ATP13A2: variants seen among roughly 807,000 people sequenced by gnomAD.
ATP13A2 encodes ATPase cation transporting 13A2.
A neutral mutation model predicts 138.3 loss-of-function variants in ATP13A2; 83 were observed. The observed-to-expected ratio is 0.60, with a 90% confidence interval of 0.50 to 0.72. ATP13A2 has a LOEUF of 0.72. ATP13A2 is among the 30% of genes least tolerant of loss of function. The probability of loss-of-function intolerance (pLI) is 0.00; values close to 1 mark genes in which losing one functional copy is unlikely to be tolerated. For missense variants in ATP13A2, 1,402 were observed against 1,606.4 expected (o/e 0.87, Z 2.17); for synonymous variants, 663 against 699.0 (o/e 0.95, Z 0.81).
At chr1:16,988,072 G>A (rs1010956337) in intron 25 of ATP13A2, 66 bp downstream of exon 25, 4 of 1,431,870 alleles carry the variant, frequency 2.8e-6, no homozygotes, top group Middle Eastern at 1.7e-4. Flanking sequence ...CAGCTCCAAG[G>A]CACAGGGCTG....
chr1:16,989,874 G>A lies in ATP13A2; in HGVS notation c.2529+13C>T, dbSNP rs1160425190. ...GAGGCGCAGGGCGGCCAGGGAGCTG[G>A]GGGCGGCCCTACCTTGGGCAGCAGC... On this transcript the variant is annotated intron_variant, in intron 22 of 28. Coordinates refer to ENST00000326735, the MANE Select transcript of ATP13A2 (RefSeq NM_022089.4). 1 of 1,607,530 alleles carries A rather than the reference G, an allele frequency of 6.2e-7. No individual in the cohort carries two copies. The highest frequency in any genetic ancestry group is 1.7e-5 in the Admixed American group (1 of 58,880).
At chr1:17,001,260 A>G (rs1404045658) in intron 8 of ATP13A2, among the ~76,000 whole-genome samples, 1 of 139,774 alleles carries the variant, frequency 7.2e-6, no homozygotes, top group Non-Finnish European at 1.5e-5. Flanking sequence ...TCTACTAAAA[A>G]TACAAAAAAA....
Position 17,004,669 on chromosome 1 carries a change from G to A in ATP13A2, c.477+23C>T, listed in dbSNP as rs1370705630. The A allele has an allele frequency of 5.6e-6, 9 of 1,613,848 alleles. No individual in the cohort carries two copies. Among genetic ancestry groups the A allele is most frequent in the Non-Finnish European group, 6.8e-6 (8 of 1,180,028 alleles). On this transcript the variant is annotated intron_variant, in intron 5 of 28. Transcript: ENST00000326735. The surrounding 1 kb of genome is among the most constrained non-coding windows in gnomAD (Gnocchi z 4.1). ...TCATGAAACCGAGGCCGAGAGAGGGGCAAGGACTTTTTCAGAACCCACCTG... is the reference window on the plus strand; with the variant it reads ...TCATGAAACCGAGGCCGAGAGAGGGACAAGGACTTTTTCAGAACCCACCTG...
rs767921922 is a variant in ATP13A2, at chr1:16,988,402, C to T, written c.2682G>A (p.Ser894=). Residue 894 remains serine, a synonymous_variant, in exon 24 of 29, where the codon TCG becomes TCA. Coordinates refer to ENST00000326735, the MANE Select transcript of ATP13A2 (RefSeq NM_022089.4). ...CCACTGAGGCTTCTGCCTGGGACAG[C>T]GAGATGCCGACATCAGCCGCCTTCA... The part of the protein sequence containing the change: ...GALKAADVGI[S]LSQAEASVVS... 5.6e-5 allele frequency: 90 copies of T among 1,614,036 alleles called. 1 individual carries two copies. The South Asian group carries it at 8.5e-4, about 15-fold the overall frequency.
At chr1:17,000,196 C>CCCA in intron 10 of ATP13A2, 50 bp downstream of exon 10, 1 of 770,516 alleles carries the variant, frequency 1.3e-6, no homozygotes, top group Non-Finnish European at 2.1e-6. Context: ...CCAGCCATGC[C>CCCA]CCCCCACCCT....
At position 16,991,751 on chromosome 1, in the gene ATP13A2, C is replaced by G. The variant is rs140455242; in HGVS notation, c.2234G>C (p.Arg745Pro). The G allele has an allele frequency of 6.2e-6, 10 of 1,614,176 alleles. No homozygotes were observed. The highest frequency in any genetic ancestry group is 7.6e-6 in the Non-Finnish European group (9 of 1,180,044). ...VIQALRRTRIRAVMVTGDNLQ... is the reference protein window; with the variant it reads ...VIQALRRTRIPAVMVTGDNLQ... ...CATTGTACCTGTCACCATGACGGCG[C>G]GGATGCGGGTCCTTCGCAGAGCCTG... The change falls in exon 20 of 29, where the codon CGC (arginine) becomes CCC (proline). Residue 745 changes from arginine to proline, a missense_variant. Coordinates refer to ENST00000326735, the MANE Select transcript of ATP13A2 (RefSeq NM_022089.4).
intron 13 of ATP13A2, 21 bp from the exon 14 acceptor site, chr1:16,996,321 T>C: frequency 1.2e-6 from 2 of 1,613,884 alleles, no homozygotes; most frequent in South Asian, 1.1e-5. Flanking sequence ...AGCGAAGGAC[T>C]GAGTGGGATT....
intron 15 of ATP13A2, among the ~76,000 whole-genome samples, chr1:16,994,596 G>GCGTTC (rs1363794448): frequency 2.0e-5 from 3 of 152,026 alleles, no homozygotes; most frequent in Non-Finnish European, 4.4e-5. Context: ...GACTCTAACT[G>GCGTTC]CCCAAGTACG....
At chr1:16,996,892 T>C in intron 12 of ATP13A2, 128 bp downstream of exon 12, 1 of 1,231,300 alleles carries the variant, frequency 8.1e-7, no homozygotes, top group South Asian at 1.3e-5. Flanking sequence ...TGGCCCGAGG[T>C]CCCACAGCAG....
chr1:17,000,194 G>GCAC, intron 10 of ATP13A2, 52 bp from the exon 11 acceptor site: 4 of 1,570,248 alleles, frequency 2.5e-6, no homozygotes, highest in South Asian at 1.1e-5. Flanking sequence ...CCCCAGCCAT[G>GCAC]CCCCCCCACC....
intron 11 of ATP13A2, among the ~76,000 whole-genome samples, chr1:16,998,425 C>T (rs371578182): frequency 7.2e-5 from 11 of 152,116 alleles, no homozygotes; most frequent in East Asian, 1.9e-4. Context: ...AGGCTGTTTT[C>T]GAACTCCTCA....
rs1353785345 is a variant in ATP13A2, at chr1:16,989,892, G to A, written c.2524C>T (p.Pro842Ser). The change falls in exon 22 of 29, where the codon CCC (proline) becomes TCC (serine). Residue 842 changes from proline to serine, a missense_variant. Pro to Ser is a moderately conservative substitution (Grantham distance 74). Transcript: ENST00000326735. ...GGAGCTGGGGGCGGCCCTACCTTGG[G>A]CAGCAGCTTGGGGAAGTGCTTCACA... ...IIVKHFPKLLPKVLVQGTVFA... is the reference protein window; with the variant it reads ...IIVKHFPKLLSKVLVQGTVFA... 1.2e-6 allele frequency: 2 copies of A among 1,604,606 alleles called. No homozygotes were observed. Among genetic ancestry groups the A allele is most frequent in the East Asian group, 4.5e-5 (2 of 44,558 alleles).
chr1:17,003,872 C>A (rs191404074), intron 6 of ATP13A2, among the ~76,000 whole-genome samples: 108 of 152,188 alleles, frequency 7.1e-4, no homozygotes, highest in African/African-American at 2.2e-3. Context: ...GCATCTTGGC[C>A]AGGCTGATCT....
chr1:17,005,196 C>CCA (rs2077506352), intron 3 of ATP13A2, 124 bp from the exon 4 acceptor site: 1 of 1,484,522 alleles, frequency 6.7e-7, no homozygotes, highest in Admixed American at 1.8e-5. Context: ...CCTCCAGAAA[C>CCA]CACCCGACCC....
At chr1:17,008,498 G>T (rs570851149) in intron 1 of ATP13A2, among the ~76,000 whole-genome samples, 67 of 152,290 alleles carry the variant, frequency 4.4e-4, no homozygotes, top group Non-Finnish European at 1.8e-4. Flanking sequence ...TGGGGGGGTT[G>T]CGTGGACAGG....
Position 16,996,474 on chromosome 1 carries a change from G to T in ATP13A2, c.1218C>A (p.Gly406=), listed in dbSNP as rs796629683. 7 of 1,613,874 alleles carry T rather than the reference G, an allele frequency of 4.3e-6. No homozygotes were observed. The highest frequency in any genetic ancestry group is 3.3e-5 in the South Asian group (3 of 91,086). The change falls in exon 13 of 29, where the codon GGC becomes GGA. Residue 406 remains glycine, a synonymous_variant. Transcript: ENST00000326735. ...GGGGGTGCAAGATGGAGCTCACCAG[G>T]CCCCCTTTTGCCGTGCAGAACCCTG... ...TRTGFCTAKG[G]LVSSILHPRP... is the part of the protein sequence containing the mutation.
chr1:17,005,590 G>A, intron 2 of ATP13A2, 34 bp from the exon 3 acceptor site: 1 of 1,614,106 alleles, frequency 6.2e-7, no homozygotes, highest in Non-Finnish European at 8.5e-7. Context: ...CCAGGTCGGG[G>A]TGGGAACGGG....
Position 16,990,178 on chromosome 1 carries a change from G to A in ATP13A2, c.2361C>T (p.Ala787=). The A allele has an allele frequency of 1.2e-6, 2 of 1,614,028 alleles. No individual in the cohort carries two copies. Among genetic ancestry groups the A allele is most frequent in the East Asian group, 2.2e-5 (1 of 44,876 alleles). The change falls in exon 21 of 29, where the codon GCC becomes GCT. Residue 787 remains alanine, a synonymous_variant. Coordinates refer to ENST00000326735, the MANE Select transcript of ATP13A2 (RefSeq NM_022089.4). ...HATHPERGQP[A]SLEFLPMESP... ...ACTCCATCGGCAGGAACTCGAGAGA[G>A]GCAGGCTGACCCCGCTCAGGGTGGG...
chr1:16,988,371 G>A lies in ATP13A2; in HGVS notation c.2713C>T (p.Pro905Ser). The change falls in exon 24 of 29, where the codon CCC becomes TCC. Residue 905 changes from proline (P) to serine (S), a missense_variant. Pro to Ser is a moderately conservative substitution (Grantham distance 74). Coordinates refer to ENST00000326735, the MANE Select transcript of ATP13A2 (RefSeq NM_022089.4). ...ATACTGGCCATGCTCGAGGTGAAGG[G>A]TGAGACCACTGAGGCTTCTGCCTGG... ...LSQAEASVVS[P>S]FTSSMASIEC... is the part of the protein sequence containing the mutation. 1 of 1,614,146 alleles carries A rather than the reference G, an allele frequency of 6.2e-7. No individual in the cohort carries two copies. The highest frequency in any genetic ancestry group is 8.5e-7 in the Non-Finnish European group (1 of 1,180,036).
Sources: gnomAD v4.1 joint callset for allele counts (sites outside exome capture counted in the v4.1 genomes callset) on GRCh38, gnomAD v4.1.1 for gene constraint, Gnocchi (gnomAD v3.1) non-coding constraint, MANE v1.5 for transcripts, NCBI Gene and HGNC (gene_info 2026-07-23, HGNC 2026-07-21) for gene names.